The following SNX13 variants were observed in gnomAD, a reference collection of about 807,000 sequenced individuals.
SNX13 encodes sorting nexin 13.
Under a neutral mutation model 133.6 loss-of-function variants are expected in SNX13, and 45 were observed. The observed-to-expected ratio is 0.34, with a 90% CI of 0.27 to 0.43. SNX13 has a LOEUF of 0.43. Ranked by LOEUF, SNX13 falls within the 20% of genes least tolerant of loss-of-function variation. SNX13 has a pLI of 1.00. For missense variants in SNX13, 1,032 were observed against 1,145.1 expected, an observed-to-expected ratio of 0.90 and a Z score of 1.43; for synonymous variants, 414 against 373.9, an observed-to-expected ratio of 1.11 and a Z score of -1.24.
chr7:17,893,606 T>C (rs1443136129), intron 2 of SNX13, among the ~76,000 whole-genome samples, 172 bp from the exon 3 acceptor site: 5 of 152,214 alleles, frequency 3.3e-5, no homozygotes, highest in Non-Finnish European at 7.3e-5. Flanking sequence ...TTCTGAAGTT[T>C]AAAACAACTA....
chr7:17,867,781 A>C (rs1216849225), intron 9 of SNX13, among the ~76,000 whole-genome samples: 1 of 152,196 alleles, frequency 6.6e-6, no homozygotes, highest in African/African-American at 2.4e-5. Flanking sequence ...TCAAAGATCT[A>C]GAAGTAGGTA....
At chr7:17,873,123 C>T (rs890109700) in intron 8 of SNX13, among the ~76,000 whole-genome samples, 1 of 152,170 alleles carries the variant, frequency 6.6e-6, no homozygotes, top group Non-Finnish European at 1.5e-5. Flanking sequence ...TAACTATCAG[C>T]CAGAGACTTC....
At chr7:17,906,553 C>T (rs1798420144) in intron 1 of SNX13, among the ~76,000 whole-genome samples, 1 of 152,094 alleles carries the variant, frequency 6.6e-6, no homozygotes, top group South Asian at 2.1e-4. Context: ...ATCACACCTC[C>T]TTTACTCAGG....
rs140235840 is a variant in SNX13, at chr7:17,935,474, T to A, written c.12+4810A>T. Among the ~76,000 whole-genome samples the A allele has an allele frequency of 3.4e-3, 515 of 152,350 alleles. 1 individual carries two copies. Among genetic ancestry groups the A allele is most frequent in the African/African-American group, 0.012 (486 of 41,580 alleles). On this transcript the variant is annotated intron_variant, in intron 1 of 25. Coordinates refer to ENST00000428135, the MANE Select transcript of SNX13 (RefSeq NM_015132.5). ...GTCAACAATCATGTATTTTATTTTT[T>A]AAATAACTAAATTTCAATTGTCTCA...
At chr7:17,910,512 CA>C (rs1798845251) in intron 1 of SNX13, among the ~76,000 whole-genome samples, 1 of 152,102 alleles carries the variant, frequency 6.6e-6, no homozygotes, top group South Asian at 2.1e-4. Context: ...GGCAGTTTCT[CA>C]AAAAATTGAA....
chr7:17,796,897 T>A lies in SNX13; in HGVS notation c.2556A>T (p.Pro852=), dbSNP rs373460077. 1 of 1,611,290 alleles carries A rather than the reference T, an allele frequency of 6.2e-7. No individual in the cohort carries two copies. Among genetic ancestry groups the A allele is most frequent in the African/African-American group, 1.3e-5 (1 of 74,938 alleles). Residue 852 remains proline, a synonymous_variant, in exon 25 of 26, where the codon CCA becomes CCT. Coordinates refer to ENST00000428135, the MANE Select transcript of SNX13 (RefSeq NM_015132.5). The stretch of plus-strand genomic sequence containing the variant: ...TCATTCGAATACTTTTATCTCTGCA[T>A]GGAACAGCCTCTGCTAAAATGCCAT... ...WPNGILAEAV[P]CRDKSIRMRT...
At chr7:17,924,637 T>C (rs1800526302) in intron 1 of SNX13, among the ~76,000 whole-genome samples, 1 of 152,162 alleles carries the variant, frequency 6.6e-6, no homozygotes, top group African/African-American at 2.4e-5. Flanking sequence ...TGAAAACATA[T>C]TTCCACAAAA....
intron 1 of SNX13, among the ~76,000 whole-genome samples, chr7:17,914,437 C>G (rs1158002376): frequency 6.6e-6 from 1 of 152,076 alleles, no homozygotes; most frequent in Non-Finnish European, 1.5e-5. Flanking sequence ...ACATAGTAAT[C>G]AGACCATCCA....
chr7:17,820,910 T>C (rs1583360866), intron 18 of SNX13, among the ~76,000 whole-genome samples: 1 of 152,098 alleles, frequency 6.6e-6, no homozygotes. Context: ...AATTTAAAAA[T>C]AGGACAGGGA....
chr7:17,917,442 G>C (rs180797477), intron 1 of SNX13, among the ~76,000 whole-genome samples: 3 of 152,122 alleles, frequency 2.0e-5, no homozygotes, highest in African/African-American at 4.8e-5. Context: ...TCCTAGACCC[G>C]ATATACAACT....
chr7:17,850,718 A>G, intron 10 of SNX13, 108 bp downstream of exon 10: 1 of 890,812 alleles, frequency 1.1e-6, no homozygotes, highest in Non-Finnish European at 1.6e-6. Context: ...GATTTAATTA[A>G]GGTGAAAACA....
intron 12 of SNX13, among the ~76,000 whole-genome samples, chr7:17,840,438 A>C (rs1789737458): frequency 6.6e-6 from 1 of 152,018 alleles, no homozygotes; most frequent in Non-Finnish European, 1.5e-5. Context: ...ATCCTAACGT[A>C]ATAGCAATAA....
chr7:17,803,580 T>C lies in SNX13; in HGVS notation c.2065A>G (p.Met689Val), dbSNP rs774560974. Residue 689 changes from methionine to valine, a missense_variant and splice_region_variant, in exon 21 of 26, where the codon ATG becomes GTG. Physicochemically the swap from Met to Val is conservative, Grantham distance 21. Coordinates refer to ENST00000428135, the MANE Select transcript of SNX13 (RefSeq NM_015132.5). Reference sequence around the variant, plus strand: ...CGAAGTGGATTTACAAAAGTGTCCATCTAAAGGGAAAAAAGATATTATACC... The same window carrying C: ...CGAAGTGGATTTACAAAAGTGTCCACCTAAAGGGAAAAAAGATATTATACC... Reference protein sequence around the residue: ...SKGKGDFARKMDTFVNPLRNS... With the variant: ...SKGKGDFARKVDTFVNPLRNS... 5 of 1,601,764 alleles carry C rather than the reference T, an allele frequency of 3.1e-6. No homozygotes were observed. The East Asian group carries it at 6.7e-5, about 22-fold the overall frequency.
chr7:17,905,169 A>G (rs769795809), intron 1 of SNX13, among the ~76,000 whole-genome samples: 4 of 152,230 alleles, frequency 2.6e-5, no homozygotes, highest in Non-Finnish European at 5.9e-5. Context: ...CAATTAAGAA[A>G]AAAATTAAAT....
At position 17,831,588 on chromosome 7, in the gene SNX13, C is replaced by T. The variant is rs915432547; in HGVS notation, c.1598-1541G>A. 3.9e-5 allele frequency: 38 copies of T among 983,994 alleles called. No individual in the cohort carries two copies. The Middle Eastern group carries it at 1.5e-3, about 40-fold the overall frequency. 61.0% of individuals were successfully genotyped at this position (983,994 alleles called of 1,614,324 possible). A position where few individuals can be genotyped will look rare whatever the true frequency, so the allele number is the denominator to read the frequency against. On this transcript the variant is annotated intron_variant, in intron 15 of 25. Transcript: ENST00000428135. ...AGAAAAACCACCAGAGGATACAGTACTATACCATATGATATGACTTGGTCC... is the reference window on the plus strand; with the variant it reads ...AGAAAAACCACCAGAGGATACAGTATTATACCATATGATATGACTTGGTCC...
rs1206289263 is a variant in SNX13, at chr7:17,791,790, CAA to C, written c.*2253_*2254del. On this transcript the variant is annotated 3_prime_UTR_variant, in exon 26 of 26. Coordinates refer to ENST00000428135, the MANE Select transcript of SNX13 (RefSeq NM_015132.5). Reference sequence around the variant, plus strand: ...TTACACACAGCTTGACCAAGTCATTCAAAAAGTTATCTCTAATTTTAGCATGA... The same window carrying C: ...TTACACACAGCTTGACCAAGTCATTCAAAGTTATCTCTAATTTTAGCATGA... 3 of 152,004 alleles carry C rather than the reference CAA, an allele frequency of 2.0e-5. No individual in the cohort carries two copies. Among genetic ancestry groups the C allele is most frequent in the African/African-American group, 7.2e-5 (3 of 41,404 alleles). 9.4% of individuals were successfully genotyped at this position (152,004 alleles called of 1,614,324 possible). A position where few individuals can be genotyped will look rare whatever the true frequency, so the allele number is the denominator to read the frequency against.
At chr7:17,900,321 C>T (rs372156853) in intron 1 of SNX13, 2 of 152,382 alleles carry the variant, frequency 1.3e-5, no homozygotes, top group East Asian at 1.9e-4. Flanking sequence ...CTGGCCACTG[C>T]CTATGTTCAC....
intron 20 of SNX13, among the ~76,000 whole-genome samples, chr7:17,809,368 C>A (rs1391235325): frequency 6.8e-6 from 1 of 147,824 alleles, no homozygotes; most frequent in Non-Finnish European, 1.5e-5. Context: ...GACTTTAAAC[C>A]AACAAAGGGA....
At chr7:17,842,304 A>T (rs1334613030) in intron 12 of SNX13, among the ~76,000 whole-genome samples, 2 of 152,102 alleles carry the variant, frequency 1.3e-5, no homozygotes, top group African/African-American at 4.8e-5. Context: ...AAGGTGATGG[A>T]GTGATATTCA....
Sources: allele counts gnomAD v4.1 joint callset (sites outside exome capture counted in the v4.1 genomes callset), GRCh38; gene constraint gnomAD v4.1.1; transcripts MANE v1.5; gene names NCBI Gene and HGNC (gene_info 2026-07-23, HGNC 2026-07-21).